Variants in ID4 observed in about 807,000 individuals in gnomAD.
ID4 encodes the protein DNA-binding protein inhibitor ID-4.
A neutral mutation model predicts 8.6 loss-of-function variants in ID4; 9 were observed. That is an observed-to-expected ratio of 1.04 (90% confidence interval 0.63 to 1.82). The LOEUF (loss-of-function observed/expected upper bound fraction) is 1.82. Ranked by LOEUF, ID4 falls within the 40% of genes most tolerant of loss-of-function variation. The pLI, the probability that ID4 is intolerant of heterozygous loss-of-function variation, is 0.00. For missense variants in ID4, 270 were observed against 235.1 expected (o/e 1.15, Z -0.97); for synonymous variants, 180 against 118.0 (o/e 1.53, Z -3.41).
At position 19,840,240 on chromosome 6, in the gene ID4, T is replaced by C. The variant is rs1452253757; in HGVS notation, c.*1045T>C. On this transcript the variant is annotated 3_prime_UTR_variant, in exon 3 of 3. Coordinates refer to ENST00000378700, the MANE Select transcript of ID4 (RefSeq NM_001546.4). ...TTTGCATATGGGATGAGGAAATGCT[T>C]GGATCCTTAAGGAGTTTACGAAATC... 1.3e-5 allele frequency: 2 copies of C among 152,602 alleles called. No homozygotes were observed. Among genetic ancestry groups the C allele is most frequent in the African/African-American group, 2.4e-5 (1 of 41,452 alleles). 9.5% of individuals were successfully genotyped at this position (152,602 alleles called of 1,614,324 possible).
Position 19,838,144 on chromosome 6 carries a change from C to G in ID4, c.390C>G (p.Thr130=), listed in dbSNP as rs1289330495. The change falls in exon 1 of 3, where the codon ACC becomes ACG. Residue 130 remains threonine, a synonymous_variant. Transcript: ENST00000378700. ...PPAPPHHPAG[T]CPAAPPRTPL... ...CGCCGCCACACCACCCGGCCGGGAC[C>G]TGTCCAGCCGCGCCGCCGCGGACCC... The G allele has an allele frequency of 6.4e-7, 1 of 1,553,604 alleles. No individual in the cohort carries two copies.
chr6:19,837,543 C>T lies in ID4; in HGVS notation c.-212C>T, dbSNP rs11759102. 0.15 allele frequency: 33,270 copies of T among 222,590 alleles called. 2,727 individuals carry two copies. The highest frequency in any genetic ancestry group is 0.18 in the Middle Eastern group (109 of 598). The allele number at this position is 222,590 out of a possible 1,614,324, so 13.8% of individuals were successfully genotyped here. A position where few individuals can be genotyped will look rare whatever the true frequency, so the allele number is the denominator to read the frequency against. On this transcript the variant is annotated 5_prime_UTR_variant, in exon 1 of 3. Transcript: ENST00000378700. ...TTTTGCTTTTTTTTTCCTTTGGGCT[C>T]GGGCTGAGTGTCGCCCACTGAGCAA...
In ID4 at chr6:19,839,917, T is replaced by A. The variant is rs1284418128; in HGVS notation, c.*722T>A. 1.3e-5 allele frequency: 2 copies of A among 152,264 alleles called. No homozygotes were observed. Among genetic ancestry groups the A allele is most frequent in the African/African-American group, 4.8e-5 (2 of 41,454 alleles). The allele number at this position is 152,264 out of a possible 1,614,324, so 9.4% of individuals were successfully genotyped here. Reference sequence around the variant, plus strand: ...TACAGAGCTCTTGATATCTTGAATGTCTTTTCTGTTTGGCCTGGCTCTTAA... The same window carrying A: ...TACAGAGCTCTTGATATCTTGAATGACTTTTCTGTTTGGCCTGGCTCTTAA... On this transcript the variant is annotated 3_prime_UTR_variant, in exon 3 of 3. Coordinates refer to ENST00000378700, the MANE Select transcript of ID4 (RefSeq NM_001546.4).
In ID4 at chr6:19,841,938, A is replaced by G. The variant is rs1416332597; in HGVS notation, c.*2743A>G. Reference sequence around the variant, plus strand: ...AAGAGTCAGACTGGTTTAAAACTCCAGAAGGAAAAAAAGTATCCCACACAG... The same window carrying G: ...AAGAGTCAGACTGGTTTAAAACTCCGGAAGGAAAAAAAGTATCCCACACAG... On this transcript the variant is annotated 3_prime_UTR_variant, in exon 3 of 3. Transcript: ENST00000378700. Among the ~76,000 whole-genome samples the G allele has an allele frequency of 6.6e-6, 1 of 152,228 alleles. No individual in the cohort carries two copies. Among genetic ancestry groups the G allele is most frequent in the Non-Finnish European group, 1.5e-5 (1 of 68,018 alleles).
rs942477583 is a variant in ID4 at position 19,841,536 on chromosome 6, G to T, written c.*2341G>T. On this transcript the variant is annotated 3_prime_UTR_variant, in exon 3 of 3. Coordinates refer to ENST00000378700, the MANE Select transcript of ID4 (RefSeq NM_001546.4). ...TGGACTGTGAACCTCAAAACAAATG[G>T]GTATTTTTGGGTTTTGAGGATAGAT... 1.3e-5 allele frequency among the ~76,000 whole-genome samples: 2 copies of T among 152,034 alleles called. No homozygotes were observed. The highest frequency in any genetic ancestry group is 4.8e-5 in the African/African-American group (2 of 41,394).
rs901594036 is a variant in ID4 at position 19,837,705 on chromosome 6, C to G, written c.-50C>G. On this transcript the variant is annotated 5_prime_UTR_variant, in exon 1 of 3. Transcript: ENST00000378700. ...GACGGGGCCCGGAGCTTGCCTGCCT[C>G]CCTCGCTCGCCCCAGCGGGTTCGCT... 9.3e-7 allele frequency: 1 copy of G among 1,080,444 alleles called. No homozygotes were observed. Among genetic ancestry groups the G allele is most frequent in the Non-Finnish European group, 1.1e-6 (1 of 888,788 alleles). 66.9% of individuals were successfully genotyped at this position (1,080,444 alleles called of 1,614,324 possible).
At chr6:19,838,470 G>C in intron 1 of ID4, 114 bp from the exon 2 acceptor site, 1 of 1,427,220 alleles carries the variant, frequency 7.0e-7, no homozygotes, top group Non-Finnish European at 9.8e-7. Context: ...CCGGCTACAG[G>C]CTGGGGTGGG....
rs1172151076 is a variant in ID4, at chr6:19,840,741, C to CT, written c.*1552dup. On this transcript the variant is annotated 3_prime_UTR_variant, in exon 3 of 3. Transcript: ENST00000378700. ...TTACTCTTATTTTTCTTTTAAGGCT[C>CT]TTTTTTCTCCTTAAGGAAGGTAATA... 1 of 151,928 alleles carries CT rather than the reference C, an allele frequency of 6.6e-6. No individual in the cohort carries two copies. Among genetic ancestry groups the CT allele is most frequent in the Non-Finnish European group, 1.5e-5 (1 of 67,972 alleles). 9.4% of individuals were successfully genotyped at this position (151,928 alleles called of 1,614,324 possible).
Position 19,838,201 on chromosome 6 carries a change from A to C in ID4, c.441+6A>C. ...CTGCGCTCAACACCGACCCGGTGAG[A>C]GGCCGGGCGCCGGCCGTGGGCGGAC... On this transcript the variant is annotated splice_donor_region_variant and intron_variant, in intron 1 of 2. Coordinates refer to ENST00000378700, the MANE Select transcript of ID4 (RefSeq NM_001546.4). 3.7e-6 allele frequency: 5 copies of C among 1,361,916 alleles called. No individual in the cohort carries two copies. In the South Asian group the frequency reaches 7.5e-5, roughly 20 times the overall value. The allele number at this position is 1,361,916 out of a possible 1,614,324, so 84.4% of individuals were successfully genotyped here. A position where few individuals can be genotyped will look rare whatever the true frequency, so the allele number is the denominator to read the frequency against.
chr6:19,840,675 C>T lies in ID4; in HGVS notation c.*1480C>T, dbSNP rs1178674051. On this transcript the variant is annotated 3_prime_UTR_variant, in exon 3 of 3. Transcript: ENST00000378700. ...CATGTGAATATTAAAGTAGATTTCT[C>T]TGTCTTGTACTGTGATTTCTGGTCT... is the stretch of plus-strand genomic sequence containing the variant. The T allele has an allele frequency of 6.6e-6, 1 of 152,302 alleles. No homozygotes were observed. Among genetic ancestry groups the T allele is most frequent in the Non-Finnish European group, 1.5e-5 (1 of 67,998 alleles). The allele number at this position is 152,302 out of a possible 1,614,324, so 9.4% of individuals were successfully genotyped here. A position where few individuals can be genotyped will look rare whatever the true frequency, so the allele number is the denominator to read the frequency against.
At position 19,837,809 on chromosome 6, in the gene ID4, G is replaced by A. The variant is rs1190876656; in HGVS notation, c.55G>A (p.Gly19Ser). The change falls in exon 1 of 3, where the codon GGC (glycine) becomes AGC (serine). Residue 19 changes from glycine (G) to serine (S), a missense_variant. Gly to Ser is a moderately conservative substitution (Grantham distance 56). Around this residue, in one of 3 missense-constraint regions of ID4, gnomAD observed 160 missense variants for 131.5 expected, o/e 1.22. Coordinates refer to ENST00000378700, the MANE Select transcript of ID4 (RefSeq NM_001546.4). ...GGGCCGCAAGGCGCCGTCGGGCTGCGGCGGCGGGGAGCTGGCGCTGCGCTG... is the reference window on the plus strand; with the variant it reads ...GGGCCGCAAGGCGCCGTCGGGCTGCAGCGGCGGGGAGCTGGCGCTGCGCTG... ...PSGRKAPSGCGGGELALRCLA... is the reference protein window; with the variant it reads ...PSGRKAPSGCSGGELALRCLA... The A allele has an allele frequency of 1.8e-6, 2 of 1,134,196 alleles. No individual in the cohort carries two copies. The highest frequency in any genetic ancestry group is 4.9e-5 in the Admixed American group (1 of 20,230). 70.3% of individuals were successfully genotyped at this position (1,134,196 alleles called of 1,614,324 possible).
rs1288713633 is a variant in ID4, at chr6:19,841,094, C to G, written c.*1899C>G. On this transcript the variant is annotated 3_prime_UTR_variant, in exon 3 of 3. Coordinates refer to ENST00000378700, the MANE Select transcript of ID4 (RefSeq NM_001546.4). The stretch of plus-strand genomic sequence containing the variant: ...AATGTCTAAACAGAAATGAACAAAA[C>G]TAATGCTAGCAGGTTAAAATCAATC... 6.6e-6 allele frequency among the ~76,000 whole-genome samples: 1 copy of G among 152,156 alleles called. No homozygotes were observed. The highest frequency in any genetic ancestry group is 1.5e-5 in the Non-Finnish European group (1 of 68,004).
rs1233693547 is a variant in ID4, at chr6:19,841,268, T to C, written c.*2073T>C. 6.6e-6 allele frequency among the ~76,000 whole-genome samples: 1 copy of C among 152,232 alleles called. No individual in the cohort carries two copies. The highest frequency in any genetic ancestry group is 2.4e-5 in the African/African-American group (1 of 41,470). ...ATGAGGTTTATTTTTATTTTTGATA[T>C]TATTCATTCTTGTCACACATCAAGA... On this transcript the variant is annotated 3_prime_UTR_variant, in exon 3 of 3. Coordinates refer to ENST00000378700, the MANE Select transcript of ID4 (RefSeq NM_001546.4).
Position 19,837,891 on chromosome 6 carries a change from C to G in ID4, c.137C>G (p.Ala46Gly), listed in dbSNP as rs971788395. 7.6e-7 allele frequency: 1 copy of G among 1,317,462 alleles called. No homozygotes were observed. The highest frequency in any genetic ancestry group is 4.2e-5 in the Admixed American group (1 of 23,972). The allele number at this position is 1,317,462 out of a possible 1,614,324, so 81.6% of individuals were successfully genotyped here. Residue 46 changes from alanine (A) to glycine (G), a missense_variant, in exon 1 of 3, where the codon GCG becomes GGG. Physicochemically the swap from Ala to Gly is moderately conservative, Grantham distance 60. Around this residue, in one of 3 missense-constraint regions of ID4, gnomAD observed 160 missense variants for 131.5 expected, o/e 1.22. Transcript: ENST00000378700. ...TCCGCAGCCGCGGCGGCGGCGGCGG[C>G]GGCAGCGCGCTGTAAGGCGGCCGAG... ...GGSAAAAAAA[A>G]AARCKAAEAA...
In ID4 at chr6:19,841,103, G is replaced by A. The variant is rs968818856; in HGVS notation, c.*1908G>A. Among the ~76,000 whole-genome samples, 11 of 152,136 alleles carry A rather than the reference G, an allele frequency of 7.2e-5. No homozygotes were observed. Among genetic ancestry groups the A allele is most frequent in the African/African-American group, 2.7e-4 (11 of 41,434 alleles). On this transcript the variant is annotated 3_prime_UTR_variant, in exon 3 of 3. Coordinates refer to ENST00000378700, the MANE Select transcript of ID4 (RefSeq NM_001546.4). The stretch of plus-strand genomic sequence containing the variant: ...ACAGAAATGAACAAAACTAATGCTA[G>A]CAGGTTAAAATCAATCAAAATGTTT...
chr6:19,838,606 G>A lies in ID4; in HGVS notation c.464G>A (p.Gly155Asp). 1.2e-6 allele frequency: 2 copies of A among 1,614,016 alleles called. No homozygotes were observed. Among genetic ancestry groups the A allele is most frequent in the Non-Finnish European group, 8.5e-7 (1 of 1,179,904 alleles). The change falls in exon 2 of 3, where the codon GGC becomes GAC. Residue 155 changes from glycine (G) to aspartate (D), a missense_variant. Gly to Asp is a moderately conservative substitution (Grantham distance 94). Coordinates refer to ENST00000378700, the MANE Select transcript of ID4 (RefSeq NM_001546.4). ...CAGGCCGGCGCGGTGAACAAGCAGG[G>A]CGACAGCATTCTGTGCCGCTGAGCC... ...TDPAGAVNKQ[G>D]DSILCR
chr6:19,839,828 TATG>T lies in ID4; in HGVS notation c.*634_*636del, dbSNP rs959830953. The T allele has an allele frequency of 3.3e-5, 5 of 151,170 alleles. No homozygotes were observed. The highest frequency in any genetic ancestry group is 1.2e-4 in the African/African-American group (5 of 41,206). The allele number at this position is 151,170 out of a possible 1,614,324, so 9.4% of individuals were successfully genotyped here. ...TAATTAAATATTTTTTTGTAAATAT[TATG>T]TGTGTGTTTTTTTTTAATCTATGGG... is the stretch of plus-strand genomic sequence containing the variant. On this transcript the variant is annotated 3_prime_UTR_variant, in exon 3 of 3. Coordinates refer to ENST00000378700, the MANE Select transcript of ID4 (RefSeq NM_001546.4).
rs1761348102 is a variant in ID4 at position 19,840,906 on chromosome 6, C to G, written c.*1711C>G. ...AATTGGGTGCTTTGTAAATAGTCAACTGTGTGTATAACGTGGTCTGTTTGA... is the reference window on the plus strand; with the variant it reads ...AATTGGGTGCTTTGTAAATAGTCAAGTGTGTGTATAACGTGGTCTGTTTGA... On this transcript the variant is annotated 3_prime_UTR_variant, in exon 3 of 3. Transcript: ENST00000378700. Among the ~76,000 whole-genome samples, 1 of 152,096 alleles carries G rather than the reference C, an allele frequency of 6.6e-6. No individual in the cohort carries two copies. The highest frequency in any genetic ancestry group is 2.1e-4 in the South Asian group (1 of 4,824).
Position 19,838,001 on chromosome 6 carries a change from C to G in ID4, c.247C>G (p.Pro83Ala). The change falls in exon 1 of 3, where the codon CCG (proline) becomes GCG (alanine). Residue 83 changes from proline to alanine, a missense_variant. Around this residue, in one of 3 missense-constraint regions of ID4, gnomAD observed 160 missense variants for 131.5 expected, o/e 1.22. Transcript: ENST00000378700. ...SRLRRLVPTI[P>A]PNKKVSKVEI... Reference sequence around the variant, plus strand: ...CCTGCGGAGGCTGGTGCCCACCATCCCGCCCAACAAGAAAGTCAGCAAAGT... The same window carrying G: ...CCTGCGGAGGCTGGTGCCCACCATCGCGCCCAACAAGAAAGTCAGCAAAGT... The G allele has an allele frequency of 6.2e-7, 1 of 1,602,162 alleles. No homozygotes were observed. The highest frequency in any genetic ancestry group is 1.1e-5 in the South Asian group (1 of 89,256).
Sources: gnomAD v4.1 joint callset for allele counts (sites outside exome capture counted in the v4.1 genomes callset) on GRCh38, gnomAD v4.1.1 for gene constraint, gnomAD v4.1.1 regional missense constraint, MANE v1.5 for transcripts, NCBI Gene and HGNC (gene_info 2026-07-23, HGNC 2026-07-21) for gene names.